The following PLCH2 variants were observed in gnomAD, a reference collection of about 807,000 sequenced individuals.
The protein encoded by PLCH2 is phospholipase C eta 2.
A neutral mutation model predicts 134.7 loss-of-function variants in PLCH2; 98 were observed. That is an observed-to-expected ratio of 0.73 (90% CI 0.62 to 0.86). The LOEUF (loss-of-function observed/expected upper bound fraction) is 0.86. Among genes scored for constraint, PLCH2 ranks in the 40% least tolerant of loss-of-function variants. The probability of loss-of-function intolerance (pLI) is 0.00; values close to 1 mark genes in which losing one functional copy is unlikely to be tolerated. For missense variants in PLCH2, 1,994 were observed against 1,986.6 expected (o/e 1.00, Z -0.07); for synonymous variants, 974 against 827.5 (o/e 1.18, Z -3.04).
intron 2 of PLCH2, among the ~76,000 whole-genome samples, chr1:2,452,062 C>A (rs919122486): frequency 6.6e-6 from 1 of 152,166 alleles, no homozygotes; most frequent in Non-Finnish European, 1.5e-5. Context: ...TGGCAGTGCA[C>A]GGGAAGGCGC....
Position 2,487,696 on chromosome 1 carries a change from A to G in PLCH2, c.1213A>G (p.Lys405Glu). Residue 405 changes from lysine to glutamate, a missense_variant, in exon 8 of 22, where the codon AAA becomes GAA. Coordinates refer to ENST00000378486, the MANE Select transcript of PLCH2 (RefSeq NM_014638.4). ...CAAAGACGTCATTGAAACCATCAAC[A>G]AATATGCCTTCATCAAGAATGAGTG... ...LFKDVIETIN[K>E]YAFIKNEYPV... 1.9e-6 allele frequency: 3 copies of G among 1,613,402 alleles called. No individual in the cohort carries two copies. Among genetic ancestry groups the G allele is most frequent in the Non-Finnish European group, 2.5e-6 (3 of 1,179,822 alleles).
intron 2 of PLCH2, among the ~76,000 whole-genome samples, chr1:2,440,272 C>A (rs1639626351): frequency 1.3e-5 from 2 of 151,990 alleles, no homozygotes; most frequent in Non-Finnish European, 2.9e-5. Context: ...GCTGGGAGGG[C>A]TGGAGCTGGG....
In PLCH2 at chr1:2,491,338, A is replaced by T; in HGVS notation, c.1659+3A>T. On this transcript the variant is annotated splice_donor_region_variant and intron_variant, in intron 11 of 21. Coordinates refer to ENST00000378486, the MANE Select transcript of PLCH2 (RefSeq NM_014638.4). ...CATCTGGAAAGCTCGGACGCAAGGTAGAGGCCAAAAAGGTGACACCCCTGA... is the reference window on the plus strand; with the variant it reads ...CATCTGGAAAGCTCGGACGCAAGGTTGAGGCCAAAAAGGTGACACCCCTGA... 1 of 1,611,704 alleles carries T rather than the reference A, an allele frequency of 6.2e-7. No individual in the cohort carries two copies. The highest frequency in any genetic ancestry group is 8.5e-7 in the Non-Finnish European group (1 of 1,179,294).
At chr1:2,488,954 G>C (rs183591656) in intron 8 of PLCH2, among the ~76,000 whole-genome samples, 1 of 152,078 alleles carries the variant, frequency 6.6e-6, no homozygotes, top group East Asian at 1.9e-4. Flanking sequence ...TTCTTATTGG[G>C]GAAAGCAGCT....
intron 2 of PLCH2, among the ~76,000 whole-genome samples, chr1:2,436,736 C>T (rs1005719103): frequency 1.3e-5 from 2 of 152,230 alleles, no homozygotes; most frequent in African/African-American, 4.8e-5. Context: ...CTAGTCCCTT[C>T]TCCTAGTGTC....
At chr1:2,475,652 G>C (rs553165988), upstream of PLCH2, among the ~76,000 whole-genome samples, 4 of 152,318 alleles carry the variant, frequency 2.6e-5, no homozygotes, top group African/African-American at 9.6e-5. Context: ...TCCCTGCAGG[G>C]CAGAATGTGG....
intron 2 of PLCH2, among the ~76,000 whole-genome samples, chr1:2,456,526 G>A (rs1404638709): frequency 6.6e-6 from 1 of 152,260 alleles, no homozygotes; most frequent in Non-Finnish European, 1.5e-5. Flanking sequence ...TGCTTCTGGG[G>A]ACGCGTGAGG....
the PLCH2 span, among the ~76,000 whole-genome samples, chr1:2,419,563 C>T: frequency 3.9e-5 from 6 of 152,174 alleles, no homozygotes; most frequent in East Asian, 7.8e-4. Context: ...GATGTGAGGC[C>T]GGTGAGGGCG....
Position 2,494,945 on chromosome 1 carries a change from C to A in PLCH2, c.1749C>A (p.Arg583=). The A allele has an allele frequency of 6.3e-7, 1 of 1,586,236 alleles. No homozygotes were observed. The highest frequency in any genetic ancestry group is 8.6e-7 in the Non-Finnish European group (1 of 1,169,198). The change falls in exon 12 of 22, where the codon CGC becomes CGA. Residue 583 remains arginine (R), a synonymous_variant. Transcript: ENST00000378486. Reference sequence around the variant, plus strand: ...TCGTCGTGGGAAGCTTCTCCAGGCGCAAGGTCCGGCGCAGCTCCCAGGCCA... The same window carrying A: ...TCGTCGTGGGAAGCTTCTCCAGGCGAAAGGTCCGGCGCAGCTCCCAGGCCA... The part of the protein sequence containing the change: ...GRLVVGSFSR[R]KKKGSKLKKA...
chr1:2,491,260 G>A lies in PLCH2; in HGVS notation c.1584G>A (p.Ser528=), dbSNP rs992197877. 3 of 1,613,190 alleles carry A rather than the reference G, an allele frequency of 1.9e-6. No individual in the cohort carries two copies. The highest frequency in any genetic ancestry group is 1.3e-5 in the African/African-American group (1 of 74,920). ...AACTGGATTCCCTCATCAAAGAGTCGAAGATTCGGGACTGTGAGGACCCCA... is the reference window on the plus strand; with the variant it reads ...AACTGGATTCCCTCATCAAAGAGTCAAAGATTCGGGACTGTGAGGACCCCA... ...KRKLDSLIKE[S]KIRDCEDPNN... The change falls in exon 11 of 22, where the codon TCG becomes TCA. Residue 528 remains serine (S), a synonymous_variant. Transcript: ENST00000378486.
intron 2 of PLCH2, chr1:2,479,385 T>G (rs2100650912): frequency 4.9e-6 from 1 of 202,788 alleles, no homozygotes; most frequent in Non-Finnish European, 1.0e-5. Flanking sequence ...GCCCTGGAGG[T>G]GTCCAGGGGC....
At position 2,486,803 on chromosome 1, in the gene PLCH2, G is replaced by T. The variant is rs546380573; in HGVS notation, c.817-104G>T. ...AGCTGGCTGGCCATGGTCATCCCTG[G>T]TGTAATCAGAGACAGGCAGGGGACA... On this transcript the variant is annotated intron_variant, in intron 5 of 21. Transcript: ENST00000378486. The T allele has an allele frequency of 3.9e-4, 336 of 865,604 alleles. 1 individual carries two copies. The African/African-American group carries it at 4.6e-3, about 12-fold the overall frequency. 53.6% of individuals were successfully genotyped at this position (865,604 alleles called of 1,614,324 possible). A position where few individuals can be genotyped will look rare whatever the true frequency, so the allele number is the denominator to read the frequency against.
At chr1:2,471,031 A>G (rs1368729073) in intron 1 of PLCH2, among the ~76,000 whole-genome samples, 2 of 145,318 alleles carry the variant, frequency 1.4e-5, no homozygotes, top group Non-Finnish European at 3.0e-5. Context: ...AGGAGCCTCC[A>G]GGGACACACA....
chr1:2,438,884 A>T (rs1266332347), intron 2 of PLCH2, among the ~76,000 whole-genome samples: 2 of 152,102 alleles, frequency 1.3e-5, no homozygotes, highest in Non-Finnish European at 2.9e-5. Context: ...GCAGGGGGGA[A>T]CCGGGGCAAT....
intron 2 of PLCH2, among the ~76,000 whole-genome samples, chr1:2,443,280 G>T (rs1033080911): frequency 9.2e-5 from 14 of 152,228 alleles, no homozygotes; most frequent in African/African-American, 3.1e-4. Flanking sequence ...TTAGTTGGGG[G>T]AGGGGTGGCC....
upstream of PLCH2, among the ~76,000 whole-genome samples, chr1:2,466,610 C>T (rs140363695): frequency 3.9e-3 from 594 of 152,346 alleles, 7 homozygotes; most frequent in African/African-American, 0.014. Context: ...TGCCCACATC[C>T]GGGGCTCAGT....
At chr1:2,433,100 G>A (rs1404524952) in intron 2 of PLCH2, among the ~76,000 whole-genome samples, 3 of 152,200 alleles carry the variant, frequency 2.0e-5, no homozygotes, top group Non-Finnish European at 4.4e-5. Context: ...TGAACTCAGA[G>A]GTGGGAGCCT....
At chr1:2,489,180 C>A (rs548979542) in intron 8 of PLCH2, 27 bp from the exon 9 acceptor site, 2 of 1,609,372 alleles carry the variant, frequency 1.2e-6, no homozygotes, top group East Asian at 4.5e-5. Flanking sequence ...CTGGCCTCAT[C>A]CTGCTCTTTC....
intron 12 of PLCH2, among the ~76,000 whole-genome samples, 158 bp from the exon 13 acceptor site, chr1:2,495,330 G>A (rs1161228640): frequency 2.0e-5 from 3 of 152,192 alleles, no homozygotes; most frequent in South Asian, 2.1e-4. Flanking sequence ...AGAGGGCACC[G>A]AGGAGGCTTT....
Sources: gnomAD v4.1 joint callset for allele counts (sites outside exome capture counted in the v4.1 genomes callset) on GRCh38, gnomAD v4.1.1 for gene constraint, MANE v1.5 for transcripts, NCBI Gene and HGNC (gene_info 2026-07-23, HGNC 2026-07-21) for gene names.